PTPRT: variants seen among roughly 807,000 people sequenced by gnomAD.
PTPRT encodes receptor-type tyrosine-protein phosphatase T.
A neutral mutation model predicts 176.8 loss-of-function variants in PTPRT; 56 were observed. The observed-to-expected ratio is 0.32, with a 90% confidence interval of 0.26 to 0.40. The LOEUF (loss-of-function observed/expected upper bound fraction) is 0.40. Among genes scored for constraint, PTPRT ranks in the 10% least tolerant of loss-of-function variants. The pLI is 1.00. For synonymous variants in PTPRT, 783 were observed against 739.0 expected, an observed-to-expected ratio of 1.06 and a Z score of -0.96; for missense variants, 1,540 against 1,908.2, an observed-to-expected ratio of 0.81 and a Z score of 3.60.
At chr20:42,559,431 C>T (rs2072913876) in intron 7 of PTPRT, among the ~76,000 whole-genome samples, 1 of 152,136 alleles carries the variant, frequency 6.6e-6, no homozygotes, top group Non-Finnish European at 1.5e-5. Flanking sequence ...GAGCAGCAAA[C>T]CTGTTTTCTT....
chr20:42,677,818 A>T (rs769944622), intron 7 of PTPRT, 48 bp downstream of exon 7: 1 of 1,570,580 alleles, frequency 6.4e-7, no homozygotes, highest in Non-Finnish European at 8.6e-7. Context: ...CAGTCTTGGC[A>T]ATAGCACAGC....
chr20:42,754,870 A>G (rs1345630724), intron 6 of PTPRT, among the ~76,000 whole-genome samples: 1 of 152,158 alleles, frequency 6.6e-6, no homozygotes, highest in Non-Finnish European at 1.5e-5. Context: ...AAGTCAAAAC[A>G]GGCGAACACT....
chr20:42,115,945 C>T (rs986797801), intron 21 of PTPRT: 33 of 687,754 alleles, frequency 4.8e-5, no homozygotes, highest in East Asian at 8.2e-5. Flanking sequence ...ACCCTGGACG[C>T]GAGCAAGCCA....
intron 8 of PTPRT, among the ~76,000 whole-genome samples, chr20:42,469,174 T>C (rs2071150814): frequency 6.6e-6 from 1 of 152,174 alleles, no homozygotes; most frequent in South Asian, 2.1e-4. Context: ...CCACTTAATG[T>C]GCACGAGAAT....
chr20:42,197,361 A>G (rs1403379067), intron 16 of PTPRT, among the ~76,000 whole-genome samples: 1 of 124,130 alleles, frequency 8.1e-6, no homozygotes, highest in Non-Finnish European at 1.6e-5. Context: ...CCTGGGTGAT[A>G]GAGTGAGACT....
chr20:42,587,513 A>C (rs1266074865), intron 7 of PTPRT, among the ~76,000 whole-genome samples: 2 of 152,102 alleles, frequency 1.3e-5, no homozygotes, highest in South Asian at 2.1e-4. Flanking sequence ...GTCAGACTCA[A>C]CTCTGACCCT....
intron 1 of PTPRT, among the ~76,000 whole-genome samples, chr20:42,966,058 A>G (rs1413921679): frequency 6.6e-6 from 1 of 152,236 alleles, no homozygotes; most frequent in African/African-American, 2.4e-5. Flanking sequence ...CTAGTTCCAC[A>G]CGGTAAGAAC....
chr20:42,864,494 G>A (rs1431568073), intron 2 of PTPRT, among the ~76,000 whole-genome samples: 1 of 152,134 alleles, frequency 6.6e-6, no homozygotes, highest in Non-Finnish European at 1.5e-5. Context: ...ACCCAACATG[G>A]GTCCACGCAC....
intron 13 of PTPRT, among the ~76,000 whole-genome samples, chr20:42,270,159 T>A (rs1221896970): frequency 6.6e-6 from 1 of 151,934 alleles, no homozygotes; most frequent in African/African-American, 2.4e-5. Context: ...ACCCAGTAGG[T>A]ACTTAGTAAG....
At chr20:43,006,197 A>C (rs1291704202) in intron 1 of PTPRT, among the ~76,000 whole-genome samples, 1 of 152,232 alleles carries the variant, frequency 6.6e-6, no homozygotes, top group East Asian at 1.9e-4. Flanking sequence ...TTTTTAAAAC[A>C]GAAATGCAAA....
At chr20:42,709,375 A>G (rs1326764764) in intron 6 of PTPRT, among the ~76,000 whole-genome samples, 1 of 152,136 alleles carries the variant, frequency 6.6e-6, no homozygotes, top group African/African-American at 2.4e-5. Flanking sequence ...CCTTGCAGTA[A>G]TAAGTTCACA....
intron 2 of PTPRT, among the ~76,000 whole-genome samples, chr20:42,824,436 CAAGAAG>C (rs1373562520): frequency 6.6e-6 from 1 of 151,570 alleles, no homozygotes; most frequent in East Asian, 1.9e-4. Context: ...AGGCTAATGA[CAAGAAG>C]AAGAAAGAAC....
At chr20:42,458,420 C>A (rs765729679) in intron 8 of PTPRT, among the ~76,000 whole-genome samples, 1 of 152,178 alleles carries the variant, frequency 6.6e-6, no homozygotes, top group Non-Finnish European at 1.5e-5. Context: ...CTCTGTGTCT[C>A]ATTTTCCTTA....
At chr20:42,755,048 G>C (rs867677694) in intron 6 of PTPRT, among the ~76,000 whole-genome samples, 8 of 152,130 alleles carry the variant, frequency 5.3e-5, no homozygotes, top group African/African-American at 1.9e-4. Context: ...TTTAAAGTGT[G>C]ATAAAAACTA....
chr20:42,559,276 C>T (rs2072911049), intron 7 of PTPRT, among the ~76,000 whole-genome samples: 2 of 152,096 alleles, frequency 1.3e-5, no homozygotes, highest in Admixed American at 1.3e-4. Flanking sequence ...GCAAACCACC[C>T]TGGAATTTGT....
chr20:43,026,181 G>C (rs551693907), intron 1 of PTPRT, among the ~76,000 whole-genome samples: 1 of 151,984 alleles, frequency 6.6e-6, no homozygotes, highest in Non-Finnish European at 1.5e-5. Flanking sequence ...GCAGTGGTGC[G>C]ACCTCAGCTC....
intron 7 of PTPRT, among the ~76,000 whole-genome samples, chr20:42,496,600 T>C (rs1019448179): frequency 3.3e-5 from 5 of 151,998 alleles, no homozygotes; most frequent in Admixed American, 6.6e-5. Context: ...CTCCTGAATT[T>C]CTCCAAGATC....
At chr20:42,093,761 A>G (rs547285143) in intron 27 of PTPRT, among the ~76,000 whole-genome samples, 65 of 152,360 alleles carry the variant, frequency 4.3e-4, no homozygotes, top group African/African-American at 1.6e-3. Context: ...TGGCATGAGC[A>G]CGCAGGCAGA....
downstream of PTPRT, among the ~76,000 whole-genome samples, chr20:42,070,883 A>G (rs1472095243): frequency 6.6e-6 from 1 of 152,078 alleles, no homozygotes; most frequent in African/African-American, 2.4e-5. Context: ...TTTTTTTTAA[A>G]GTGGGAGTTA....
Sources: allele counts gnomAD v4.1 joint callset (sites outside exome capture counted in the v4.1 genomes callset), GRCh38; gene constraint gnomAD v4.1.1; transcripts MANE v1.5; gene names NCBI Gene and HGNC (gene_info 2026-07-23, HGNC 2026-07-21).